CNGB3: variants seen among roughly 807,000 people sequenced by gnomAD.
CNGB3 encodes cyclic nucleotide gated channel subunit beta 3, also known as cyclic nucleotide-gated channel beta-3.
CNGB3 carries 86 observed loss-of-function variants against 92.8 expected under a neutral mutation model. The observed-to-expected ratio is 0.93, with a 90% CI of 0.78 to 1.11. CNGB3 has a LOEUF of 1.11. CNGB3 is among the 50% of genes least tolerant of loss of function. The pLI, the probability that CNGB3 is intolerant of heterozygous loss-of-function variation, is 0.00. For synonymous variants in CNGB3, 333 were observed against 332.7 expected, an observed-to-expected ratio of 1.00 and a Z score of -0.01; for missense variants, 1,026 against 956.8, an observed-to-expected ratio of 1.07 and a Z score of -0.95.
rs140897168 is a variant in CNGB3 at position 86,617,588 on chromosome 8, A to G, written c.1579-5917T>C. On this transcript the variant is annotated intron_variant, in intron 13 of 17. Transcript: ENST00000320005. ...GTCAAATGTGATAAAAAATTTGCAA[A>G]GTGCTGTGATGTCATAATTTTTAAT... Among the ~76,000 whole-genome samples, 1,296 of 152,300 alleles carry G rather than the reference A, an allele frequency of 8.5e-3. 11 individuals carry two copies. Among genetic ancestry groups the G allele is most frequent in the African/African-American group, 0.03 (1,228 of 41,562 alleles).
chr8:86,711,461 T>G (rs541329182), intron 3 of CNGB3, among the ~76,000 whole-genome samples: 1 of 152,174 alleles, frequency 6.6e-6, no homozygotes, highest in Non-Finnish European at 1.5e-5. Context: ...ATAGTAATTG[T>G]CCAATTTCCT....
At chr8:86,620,293 A>G (rs1158253119) in intron 13 of CNGB3, among the ~76,000 whole-genome samples, 3 of 152,190 alleles carry the variant, frequency 2.0e-5, no homozygotes, top group Admixed American at 6.5e-5. Flanking sequence ...GCTTTAAACA[A>G]CAGAAATTAT....
intron 10 of CNGB3, among the ~76,000 whole-genome samples, chr8:86,639,867 T>C (rs547269739): frequency 6.6e-6 from 1 of 152,200 alleles, no homozygotes; most frequent in South Asian, 2.1e-4. Context: ...AATGCTTCAG[T>C]CTAAATGAGC....
intron 3 of CNGB3, among the ~76,000 whole-genome samples, chr8:86,717,561 CAAAAAAA>C (rs35692774): frequency 2.5e-5 from 3 of 119,608 alleles, no homozygotes; most frequent in Non-Finnish European, 3.4e-5. Context: ...GACTCTGTCT[CAAAAAAA>C]AAAAAAAAAA....
intron 3 of CNGB3, among the ~76,000 whole-genome samples, chr8:86,679,033 T>C (rs986089186): frequency 6.6e-6 from 1 of 152,190 alleles, no homozygotes; most frequent in Non-Finnish European, 1.5e-5. Flanking sequence ...ATTTTTTCTC[T>C]GTGGAGTAGC....
rs1241383110 is a variant in CNGB3, at chr8:86,684,057, A to G, written c.339-12959T>C. On this transcript the variant is annotated intron_variant, in intron 3 of 17. Coordinates refer to ENST00000320005, the MANE Select transcript of CNGB3 (RefSeq NM_019098.5). ...TGTTAAAAGCATGAAAAGGCAAGCTACAAGCTGCAGAGTGGGAGAAAATAT... is the reference window on the plus strand; with the variant it reads ...TGTTAAAAGCATGAAAAGGCAAGCTGCAAGCTGCAGAGTGGGAGAAAATAT... Among the ~76,000 whole-genome samples the G allele has an allele frequency of 2.0e-5, 3 of 152,294 alleles. No homozygotes were observed. The East Asian group carries it at 5.8e-4, about 29-fold the overall frequency.
chr8:86,684,003 A>G (rs1824133400), intron 3 of CNGB3, among the ~76,000 whole-genome samples: 1 of 152,164 alleles, frequency 6.6e-6, no homozygotes, highest in South Asian at 2.1e-4. Context: ...TCAAAATGGG[A>G]AACTTTTGCT....
intron 15 of CNGB3, among the ~76,000 whole-genome samples, chr8:86,598,756 TA>T (rs1822225039): frequency 6.6e-6 from 1 of 152,190 alleles, no homozygotes; most frequent in African/African-American, 2.4e-5. Flanking sequence ...AAGACACTTA[TA>T]AAAAGTGTCC....
At chr8:86,700,920 G>A (rs977116569) in intron 3 of CNGB3, among the ~76,000 whole-genome samples, 1 of 152,156 alleles carries the variant, frequency 6.6e-6, no homozygotes, top group Non-Finnish European at 1.5e-5. Flanking sequence ...GATTACAGGC[G>A]TGAGCCACTG....
At position 86,668,140 on chromosome 8, in the gene CNGB3, T is replaced by C. The variant is rs1823780912; in HGVS notation, c.522A>G (p.Lys174=). 6.2e-7 allele frequency: 1 copy of C among 1,613,912 alleles called. No homozygotes were observed. The highest frequency in any genetic ancestry group is 1.7e-5 in the Admixed American group (1 of 59,966). Residue 174 remains lysine, a synonymous_variant, in exon 5 of 18, where the codon AAA becomes AAG. Coordinates refer to ENST00000320005, the MANE Select transcript of CNGB3 (RefSeq NM_019098.5). ...TAKPTAVPPV[K]ESDDKPTEHY... ...GTTCTGTTGGCTTATCATCGCTTTC[T>C]TTTACTGGTGGTACAGCCGTGGGCT... is the stretch of plus-strand genomic sequence containing the variant.
intron 15 of CNGB3, among the ~76,000 whole-genome samples, chr8:86,591,065 T>C (rs1396774363): frequency 3.3e-5 from 5 of 152,230 alleles, no homozygotes; most frequent in East Asian, 1.9e-4. Flanking sequence ...CTCTAAACTT[T>C]CCTTCTTGCT....
intron 3 of CNGB3, among the ~76,000 whole-genome samples, chr8:86,691,929 A>G (rs968573980): frequency 6.6e-6 from 1 of 152,066 alleles, no homozygotes; most frequent in Non-Finnish European, 1.5e-5. Context: ...TTATGTCACT[A>G]TTATTGTTCA....
intron 15 of CNGB3, among the ~76,000 whole-genome samples, chr8:86,597,568 T>C (rs546318864): frequency 6.6e-6 from 1 of 152,056 alleles, no homozygotes; most frequent in Non-Finnish European, 1.5e-5. Context: ...GCTGAGATCT[T>C]GGTAAAAGGG....
chr8:86,737,699 T>C (rs1158363850), intron 2 of CNGB3, among the ~76,000 whole-genome samples: 2 of 152,188 alleles, frequency 1.3e-5, no homozygotes, highest in East Asian at 3.8e-4. Flanking sequence ...GGAATAAGCA[T>C]ACCTATAGGT....
At chr8:86,692,519 T>C (rs1476432186) in intron 3 of CNGB3, among the ~76,000 whole-genome samples, 1 of 152,212 alleles carries the variant, frequency 6.6e-6, no homozygotes, top group Non-Finnish European at 1.5e-5. Context: ...CTTTAAAGTC[T>C]TTTTTGTCTG....
chr8:86,646,126 A>G (rs1823288263), intron 8 of CNGB3, among the ~76,000 whole-genome samples: 1 of 151,104 alleles, frequency 6.6e-6, no homozygotes, highest in East Asian at 1.9e-4. Context: ...CTAAATCTAT[A>G]GAAACCTGAG....
intron 15 of CNGB3, among the ~76,000 whole-genome samples, chr8:86,583,921 CAAAA>C (rs71574285): frequency 0.021 from 1,282 of 61,156 alleles, 9 homozygotes; most frequent in Non-Finnish European, 0.027. Flanking sequence ...GACCTTGTCT[CAAAA>C]AAAAAAAAAA....
chr8:86,660,370 C>T (rs76088268), intron 6 of CNGB3: 21 of 416,854 alleles, frequency 5.0e-5, no homozygotes, highest in Middle Eastern at 9.4e-4. Flanking sequence ...AGTCATCTAC[C>T]GGGCAGATGT....
intron 7 of CNGB3, among the ~76,000 whole-genome samples, chr8:86,653,353 A>T (rs1169471801): frequency 6.6e-6 from 1 of 152,002 alleles, no homozygotes; most frequent in East Asian, 1.9e-4. Flanking sequence ...ATTGAAAGGG[A>T]TGTAATCATT....
Sources: gnomAD v4.1 joint callset for allele counts (sites outside exome capture counted in the v4.1 genomes callset) on GRCh38, gnomAD v4.1.1 for gene constraint, MANE v1.5 for transcripts, NCBI Gene and HGNC (gene_info 2026-07-23, HGNC 2026-07-21) for gene names.